The following CSMD2 variants were observed in gnomAD, a reference collection of about 807,000 sequenced individuals.
CSMD2 encodes CUB and sushi domain-containing protein 2.
A neutral mutation model predicts 398.5 loss-of-function variants in CSMD2; 130 were observed. The ratio of observed to expected loss-of-function variants is 0.33; its 90% CI spans 0.28 to 0.38. The LOEUF (loss-of-function observed/expected upper bound fraction) is 0.38. Ranked by LOEUF, CSMD2 falls within the 10% of genes least tolerant of loss-of-function variation. The pLI is 1.00. For synonymous variants in CSMD2, 1,828 were observed against 1,908.5 expected (o/e 0.96, Z 1.10); for missense variants, 3,829 against 4,764.9 (o/e 0.80, Z 5.78).
chr1:33,849,097 A>C (rs1638514217), intron 5 of CSMD2, among the ~76,000 whole-genome samples: 1 of 151,996 alleles, frequency 6.6e-6, no homozygotes, highest in Non-Finnish European at 1.5e-5. Context: ...ACATTTACCC[A>C]CTCCTAGAAA....
At chr1:34,042,880 G>C (rs1000039630) in intron 2 of CSMD2, among the ~76,000 whole-genome samples, 1 of 152,084 alleles carries the variant, frequency 6.6e-6, no homozygotes, top group Admixed American at 6.5e-5. Context: ...CTCTGCCTCC[G>C]GGGTTTCACA....
chr1:33,767,587 G>A (rs1650674155), intron 13 of CSMD2, among the ~76,000 whole-genome samples: 1 of 152,104 alleles, frequency 6.6e-6, no homozygotes, highest in African/African-American at 2.4e-5. Flanking sequence ...AGCTAACTTT[G>A]TACATAGCAG....
intron 5 of CSMD2, among the ~76,000 whole-genome samples, chr1:33,897,002 G>A (rs1382586499): frequency 3.9e-5 from 6 of 152,070 alleles, no homozygotes; most frequent in Non-Finnish European, 7.4e-5. Context: ...CACAGAGGCC[G>A]TGGTGGAGGG....
At chr1:34,150,432 G>A (rs1426559168) in intron 1 of CSMD2, among the ~76,000 whole-genome samples, 1 of 152,068 alleles carries the variant, frequency 6.6e-6, no homozygotes, top group African/African-American at 2.4e-5. Flanking sequence ...TTAAGCCTAT[G>A]GGCTCTAGAA....
At chr1:33,689,478 T>C (rs1039201765) in intron 25 of CSMD2, among the ~76,000 whole-genome samples, 10 of 152,126 alleles carry the variant, frequency 6.6e-5, no homozygotes, top group East Asian at 1.9e-4. Flanking sequence ...ACGTTTCCTG[T>C]ATTGGTTTTG....
At chr1:33,933,576 C>T (rs150068913) in intron 4 of CSMD2, among the ~76,000 whole-genome samples, 8 of 152,308 alleles carry the variant, frequency 5.3e-5, no homozygotes, top group Middle Eastern at 3.4e-3. Context: ...ACAACTCTGA[C>T]ACCCTCCTTG....
At chr1:33,832,736 A>G (rs1659741794) in intron 6 of CSMD2, among the ~76,000 whole-genome samples, 1 of 151,184 alleles carries the variant, frequency 6.6e-6, no homozygotes, top group East Asian at 2.0e-4. Flanking sequence ...AGGATCAACA[A>G]AATTGATAGA....
At chr1:34,098,632 T>A (rs1159936462) in intron 1 of CSMD2, among the ~76,000 whole-genome samples, 1 of 151,210 alleles carries the variant, frequency 6.6e-6, no homozygotes, top group Non-Finnish European at 1.5e-5. Context: ...TTAATGCACA[T>A]AAAAATGGAA....
chr1:34,036,366 T>G (rs1439326991), intron 2 of CSMD2, among the ~76,000 whole-genome samples: 1 of 152,180 alleles, frequency 6.6e-6, no homozygotes, highest in Non-Finnish European at 1.5e-5. Context: ...TGTAGCAATT[T>G]GGGTGGACCT....
chr1:33,652,492 G>A, intron 27 of CSMD2, 31 bp from the exon 28 acceptor site: 1 of 1,609,810 alleles, frequency 6.2e-7, no homozygotes, highest in African/African-American at 1.3e-5. Flanking sequence ...GGGTGAGGCT[G>A]CCTCTTCACC....
At chr1:33,819,018 G>C (rs1233217689) in intron 9 of CSMD2, among the ~76,000 whole-genome samples, 1 of 152,214 alleles carries the variant, frequency 6.6e-6, no homozygotes, top group Non-Finnish European at 1.5e-5. Flanking sequence ...CTACCTAACA[G>C]CCTAGTGCAC....
chr1:34,089,167 C>A lies in CSMD2; in HGVS notation c.214G>T (p.Gly72Cys). The A allele has an allele frequency of 6.2e-7, 1 of 1,614,110 alleles. No individual in the cohort carries two copies. Among genetic ancestry groups the A allele is most frequent in the Non-Finnish European group, 8.5e-7 (1 of 1,180,000 alleles). Residue 72 changes from glycine to cysteine, a missense_variant, in exon 2 of 71, where the codon GGT (glycine) becomes TGT (cysteine). Gly to Cys is a radical substitution (Grantham distance 159, BLOSUM62 -3). Around this residue, in one of 5 missense-constraint regions of CSMD2, gnomAD observed 184 missense variants for 217.7 expected, o/e 0.85. Transcript: ENST00000373381. ...AGQNCTFQLH[G>C]PNGTVESPGF... is the part of the protein sequence containing the mutation. ...GGGCTCTCAACTGTCCCATTGGGAC[C>A]GTGCAGTTGGAACGTGCAGTTCTGG...
At chr1:33,616,831 C>T (rs1370317269) in intron 39 of CSMD2, 75 bp downstream of exon 39, 4 of 1,148,676 alleles carry the variant, frequency 3.5e-6, no homozygotes, top group Admixed American at 1.8e-5. Context: ...AACTTGAACT[C>T]AATGATACAC....
chr1:33,700,524 G>A lies in CSMD2; in HGVS notation c.3726C>T (p.His1242=). 1 of 1,614,180 alleles carries A rather than the reference G, an allele frequency of 6.2e-7. No homozygotes were observed. Among genetic ancestry groups the A allele is most frequent in the Middle Eastern group, 1.6e-4 (1 of 6,062 alleles). Residue 1242 remains histidine, a synonymous_variant, in exon 23 of 71, where the codon CAC becomes CAT. Coordinates refer to ENST00000373381, the MANE Select transcript of CSMD2 (RefSeq NM_001281956.2). The part of the protein sequence containing the change: ...AENTSKGFEL[H]FSSFELIKCE... ...GATGCAAGAAAGACTTACTGGAAAA[G>A]TGCAGTTCAAAGCCCTTGCTGGTGT...
intron 25 of CSMD2, among the ~76,000 whole-genome samples, chr1:33,690,014 T>G (rs1645182963): frequency 6.6e-6 from 1 of 152,170 alleles, no homozygotes; most frequent in South Asian, 2.1e-4. Flanking sequence ...GCCTGACTTC[T>G]GGCCTCCTCG....
At chr1:33,709,467 G>A (rs1645911740) in intron 21 of CSMD2, 1 of 553,216 alleles carries the variant, frequency 1.8e-6, no homozygotes, top group African/African-American at 1.9e-5. Flanking sequence ...GGTGCTGCCT[G>A]CTTTGTTTCT....
intron 13 of CSMD2, among the ~76,000 whole-genome samples, chr1:33,748,517 T>C (rs920213818): frequency 6.6e-6 from 1 of 152,214 alleles, no homozygotes; most frequent in African/African-American, 2.4e-5. Flanking sequence ...TAGGTTATTA[T>C]TTAACATGAG....
intron 5 of CSMD2, among the ~76,000 whole-genome samples, chr1:33,849,310 G>A (rs954701370): frequency 3.3e-5 from 5 of 152,106 alleles, no homozygotes; most frequent in East Asian, 3.8e-4. Flanking sequence ...TGCCTTGCTC[G>A]AAACTCTCCA....
intron 22 of CSMD2, among the ~76,000 whole-genome samples, chr1:33,704,295 T>C (rs1238910887): frequency 6.6e-6 from 1 of 152,184 alleles, no homozygotes; most frequent in Non-Finnish European, 1.5e-5. Context: ...CTAATTTTTA[T>C]AGTTCCTTTT....
Sources: gnomAD v4.1 joint callset for allele counts (sites outside exome capture counted in the v4.1 genomes callset) on GRCh38, gnomAD v4.1.1 for gene constraint, gnomAD v4.1.1 regional missense constraint, MANE v1.5 for transcripts, NCBI Gene and HGNC (gene_info 2026-07-23, HGNC 2026-07-21) for gene names.